The following ARMC3 variants were observed in gnomAD, a reference collection of about 807,000 sequenced individuals.
ARMC3 encodes armadillo repeat containing 3, also known as armadillo repeat-containing protein 3.
Under a neutral mutation model 90.3 loss-of-function variants are expected in ARMC3, and 74 were observed. That is an observed-to-expected ratio of 0.82 (90% CI 0.68 to 0.99). The LOEUF is 0.99. ARMC3 is among the 50% of genes least tolerant of loss of function. The pLI, the probability that ARMC3 is intolerant of heterozygous loss-of-function variation, is 0.00. For synonymous variants in ARMC3, 334 were observed against 361.8 expected, an observed-to-expected ratio of 0.92 and a Z score of 0.87; for missense variants, 958 against 1,042.8, an observed-to-expected ratio of 0.92 and a Z score of 1.12.
At chr10:22,967,964 T>C (rs999475268) in intron 7 of ARMC3, among the ~76,000 whole-genome samples, 1 of 152,254 alleles carries the variant, frequency 6.6e-6, no homozygotes, top group Admixed American at 6.5e-5. Flanking sequence ...TTCATCAGCT[T>C]CTGTCTTGCT....
chr10:22,998,396 A>C lies in ARMC3; in HGVS notation c.1424A>C (p.Glu475Ala). The C allele has an allele frequency of 6.2e-7, 1 of 1,613,724 alleles. No individual in the cohort carries two copies. Among genetic ancestry groups the C allele is most frequent in the Non-Finnish European group, 8.5e-7 (1 of 1,179,776 alleles). The part of the protein sequence containing the change: ...ATACDVEART[E>A]LRNSGGLEPL... ...GCGTGTGACGTTGAAGCCCGGACTG[A>C]GGTGAGAATTTTAATAACATGTGTT... is the stretch of plus-strand genomic sequence containing the variant. Residue 475 changes from glutamate to alanine, a missense_variant and splice_region_variant, in exon 11 of 19, where the codon GAG becomes GCG. Physicochemically the swap from Glu to Ala is moderately radical, Grantham distance 107 (BLOSUM62 -1). Coordinates refer to ENST00000298032, the MANE Select transcript of ARMC3 (RefSeq NM_173081.5).
intron 11 of ARMC3, among the ~76,000 whole-genome samples, chr10:22,998,846 AATAC>A: frequency 6.6e-6 from 1 of 152,368 alleles, no homozygotes; most frequent in South Asian, 2.1e-4. Context: ...GTTGTAGAAA[AATAC>A]ATACTTATGA....
intron 10 of ARMC3, among the ~76,000 whole-genome samples, chr10:22,988,384 T>C (rs192475983): frequency 1.6e-4 from 24 of 152,292 alleles, no homozygotes; most frequent in African/African-American, 5.3e-4. Context: ...TTCAGTATTG[T>C]CAGGGAGGGG....
chr10:22,955,869 A>G lies in ARMC3; in HGVS notation c.229A>G (p.Thr77Ala), dbSNP rs1378516050. ...TGTGGAACCTTTAACTAAGCTACTC[A>G]CCCATGAAGACAAAATTGTAAGAAG... The part of the protein sequence containing the change: ...GAVEPLTKLL[T>A]HEDKIVRRNA... The change falls in exon 4 of 19, where the codon ACC becomes GCC. Residue 77 changes from threonine to alanine, a missense_variant. Physicochemically the swap from Thr to Ala is moderately conservative, Grantham distance 58. Coordinates refer to ENST00000298032, the MANE Select transcript of ARMC3 (RefSeq NM_173081.5). 6.2e-7 allele frequency: 1 copy of G among 1,613,112 alleles called. No individual in the cohort carries two copies. Among genetic ancestry groups the G allele is most frequent in the African/African-American group, 1.3e-5 (1 of 74,904 alleles).
intron 8 of ARMC3, among the ~76,000 whole-genome samples, chr10:22,969,231 A>ACAAGT (rs1322579517): frequency 1.3e-5 from 2 of 152,228 alleles, no homozygotes; most frequent in African/African-American, 2.4e-5. Context: ...CATTTCAGTG[A>ACAAGT]CAAGTTATGT....
intron 2 of ARMC3, among the ~76,000 whole-genome samples, chr10:22,939,672 C>T (rs1018586100): frequency 3.3e-5 from 5 of 152,166 alleles, no homozygotes; most frequent in African/African-American, 1.2e-4. Context: ...GAACACTTCT[C>T]CTCCCCCAGC....
chr10:23,036,274 A>G (rs369158244), intron 18 of ARMC3, among the ~76,000 whole-genome samples: 4 of 152,348 alleles, frequency 2.6e-5, no homozygotes, highest in South Asian at 4.1e-4. Flanking sequence ...TCTATGTAGA[A>G]TGTAAGGCTC....
At chr10:22,963,918 CACACAAAAAAAAAAAAAA>C (rs1398358007) in intron 7 of ARMC3, among the ~76,000 whole-genome samples, 2 of 51,750 alleles carry the variant, frequency 3.9e-5, no homozygotes, top group East Asian at 1.3e-3. Flanking sequence ...CACACACACA[CACACAAAAAAAAAAAAAA>C]AAAAAAAAAA....
intron 16 of ARMC3, among the ~76,000 whole-genome samples, chr10:23,017,608 T>C (rs754142461): frequency 1.4e-4 from 21 of 152,136 alleles, no homozygotes; most frequent in Non-Finnish European, 2.6e-4. Context: ...CTACTAAAAA[T>C]ACAAAAATTA....
chr10:22,971,385 T>C (rs1835677204), intron 8 of ARMC3, among the ~76,000 whole-genome samples: 1 of 152,234 alleles, frequency 6.6e-6, no homozygotes, highest in South Asian at 2.1e-4. Context: ...ATTTCAATTA[T>C]TTTGGATATA....
At chr10:23,008,172 A>G in intron 14 of ARMC3, 104 bp from the exon 15 acceptor site, 1 of 581,156 alleles carries the variant, frequency 1.7e-6, no homozygotes, top group Non-Finnish European at 3.0e-6. Context: ...GTTAAAAGTC[A>G]GCTTCAGTTA....
intron 2 of ARMC3, among the ~76,000 whole-genome samples, chr10:22,944,211 A>G (rs1352680188): frequency 6.6e-6 from 1 of 152,198 alleles, no homozygotes. Flanking sequence ...TTTGTTGATT[A>G]TCTTCAATAA....
intron 16 of ARMC3, among the ~76,000 whole-genome samples, chr10:23,011,818 C>A (rs1165437346): frequency 1.3e-5 from 2 of 152,170 alleles, no homozygotes; most frequent in Non-Finnish European, 2.9e-5. Flanking sequence ...TCTGTCTCTT[C>A]GTGCATTTTC....
chr10:23,001,635 G>A (rs1262183241), intron 11 of ARMC3, among the ~76,000 whole-genome samples: 2 of 152,112 alleles, frequency 1.3e-5, no homozygotes, highest in Non-Finnish European at 2.9e-5. Flanking sequence ...GGCATCCCAC[G>A]GGTGGGCAGT....
At chr10:22,987,685 T>A (rs765442400) in intron 10 of ARMC3, among the ~76,000 whole-genome samples, 1 of 152,214 alleles carries the variant, frequency 6.6e-6, no homozygotes, top group Non-Finnish European at 1.5e-5. Context: ...TAGATCACAC[T>A]AACTCTGATT....
chr10:22,934,441 A>G (rs1316684216), intron 2 of ARMC3, among the ~76,000 whole-genome samples: 5 of 152,236 alleles, frequency 3.3e-5, no homozygotes. Flanking sequence ...TCCTTTCCAA[A>G]TCATTTCCAT....
chr10:22,959,643 G>GA (rs945258969), intron 6 of ARMC3, 69 bp downstream of exon 6: 20 of 1,457,156 alleles, frequency 1.4e-5, no homozygotes, highest in Middle Eastern at 1.8e-4. Context: ...ATTAAAAATA[G>GA]AAAAAAGCTT....
chr10:22,997,970 A>C (rs1456570968), intron 10 of ARMC3, among the ~76,000 whole-genome samples, 178 bp from the exon 11 acceptor site: 7 of 152,208 alleles, frequency 4.6e-5, no homozygotes, highest in African/African-American at 1.4e-4. Context: ...CATAGCTCAA[A>C]ATTTCCCAGA....
intron 10 of ARMC3, among the ~76,000 whole-genome samples, chr10:22,985,846 A>G (rs1836396507): frequency 6.6e-6 from 1 of 152,080 alleles, no homozygotes; most frequent in Admixed American, 6.5e-5. Context: ...CATTGTAGTG[A>G]CACCCTCTTG....
Sources: gnomAD v4.1 joint callset for allele counts (sites outside exome capture counted in the v4.1 genomes callset) on GRCh38, gnomAD v4.1.1 for gene constraint, MANE v1.5 for transcripts, NCBI Gene and HGNC (gene_info 2026-07-23, HGNC 2026-07-21) for gene names.